CNBD1: variants seen among roughly 807,000 people sequenced by gnomAD.
CNBD1 encodes the protein cyclic nucleotide binding domain containing 1, also known as cyclic nucleotide-binding domain-containing protein 1.
CNBD1 carries 71 observed loss-of-function variants against 54.4 expected under a neutral mutation model. The observed-to-expected ratio is 1.30, with a 90% CI of 1.08 to 1.59. CNBD1 has a LOEUF of 1.59. Ranked by LOEUF, CNBD1 falls within the 40% of genes most tolerant of loss-of-function variation. The pLI, the probability that CNBD1 is intolerant of heterozygous loss-of-function variation, is 0.00. For synonymous variants in CNBD1, 182 were observed against 170.7 expected, an observed-to-expected ratio of 1.07 and a Z score of -0.51; for missense variants, 659 against 518.0, an observed-to-expected ratio of 1.27 and a Z score of -2.64.
intron 1 of CNBD1, among the ~76,000 whole-genome samples, chr8:86,876,780 G>A (rs1183262259): frequency 2.0e-5 from 3 of 151,482 alleles, no homozygotes; most frequent in South Asian, 4.2e-4. Context: ...ATCCTCTTTT[G>A]ATTTAAGAAT....
chr8:87,390,644 G>C lies in CNBD1; in HGVS notation c.213+36858G>C, dbSNP rs906560928. Among the ~76,000 whole-genome samples the C allele has an allele frequency of 4.5e-4, 69 of 152,134 alleles. 2 individuals are homozygous for C. Among genetic ancestry groups the C allele is most frequent in the Non-Finnish European group, 1.9e-4 (13 of 68,034 alleles). On this transcript the variant is annotated intron_variant, in intron 2 of 7. Coordinates refer to the CNBD1 transcript ENST00000521593. The stretch of plus-strand genomic sequence containing the variant: ...AGGAACACTTTTGCACTGTTGGTGG[G>C]ACTATAAACTAGTTCAACCATTGTG...
At chr8:87,210,195 C>G (rs1404146006) in intron 5 of CNBD1, among the ~76,000 whole-genome samples, 2 of 152,164 alleles carry the variant, frequency 1.3e-5, no homozygotes, top group East Asian at 1.9e-4. Context: ...CTGGCTATTT[C>G]TAACATCCTA....
intron 2 of CNBD1, among the ~76,000 whole-genome samples, chr8:87,424,116 G>A (rs1807996887): frequency 6.6e-6 from 1 of 152,028 alleles, no homozygotes; most frequent in Admixed American, 6.5e-5. Flanking sequence ...TGGGATTGGT[G>A]GTGATATCCC....
chr8:87,322,778 T>C (rs879383273), intron 8 of CNBD1, among the ~76,000 whole-genome samples: 1,202 of 90,498 alleles, frequency 0.013, 134 homozygotes, highest in Non-Finnish European at 0.02. Context: ...GATGGTAGTT[T>C]CTTTTGCTGT....
At chr8:87,147,236 C>A (rs2130744560) in intron 4 of CNBD1, among the ~76,000 whole-genome samples, 1 of 152,080 alleles carries the variant, frequency 6.6e-6, no homozygotes, top group East Asian at 1.9e-4. Context: ...TTATTTTTAT[C>A]TCTGTATATC....
intron 4 of CNBD1, among the ~76,000 whole-genome samples, chr8:86,972,093 A>G (rs1166585415): frequency 2.0e-5 from 3 of 151,970 alleles, no homozygotes; most frequent in Admixed American, 2.0e-4. Flanking sequence ...CTGGGATTAC[A>G]GGTGCCCGCC....
chr8:86,957,584 C>T (rs141091274), intron 4 of CNBD1, among the ~76,000 whole-genome samples: 26 of 152,234 alleles, frequency 1.7e-4, no homozygotes, highest in African/African-American at 5.3e-4. Context: ...AGAAATTTAT[C>T]CATTTCTTCT....
chr8:87,029,082 G>T (rs1235458831), intron 4 of CNBD1, among the ~76,000 whole-genome samples: 1 of 152,100 alleles, frequency 6.6e-6, no homozygotes, highest in Non-Finnish European at 1.5e-5. Flanking sequence ...TACTACATTA[G>T]CAAAACATTT....
At chr8:86,943,834 T>G (rs1807396560) in intron 4 of CNBD1, among the ~76,000 whole-genome samples, 1 of 152,046 alleles carries the variant, frequency 6.6e-6, no homozygotes. Context: ...GGGGGACAGA[T>G]GGAAGAATAT....
chr8:87,068,265 C>T (rs911751963), intron 4 of CNBD1, among the ~76,000 whole-genome samples: 8 of 152,018 alleles, frequency 5.3e-5, no homozygotes, highest in African/African-American at 1.9e-4. Flanking sequence ...CAGAGAGACA[C>T]TTAAAAATGT....
At chr8:87,045,807 C>T (rs1810173318) in intron 4 of CNBD1, among the ~76,000 whole-genome samples, 2 of 147,644 alleles carry the variant, frequency 1.4e-5, no homozygotes, top group Non-Finnish European at 3.0e-5. Context: ...TTTAGGAGTC[C>T]GACGTGGGCA....
intron 8 of CNBD1, among the ~76,000 whole-genome samples, chr8:87,308,965 C>T (rs1474327688): frequency 2.0e-5 from 3 of 152,098 alleles, no homozygotes; most frequent in Non-Finnish European, 1.5e-5. Flanking sequence ...TGTATGCATG[C>T]CACATTTTCT....
At chr8:87,347,351 C>T (rs1032239615) in intron 8 of CNBD1, among the ~76,000 whole-genome samples, 4 of 152,142 alleles carry the variant, frequency 2.6e-5, no homozygotes, top group African/African-American at 9.7e-5. Context: ...AATATGCATT[C>T]TTCCAACAAA....
chr8:87,044,067 T>C (rs1174441288), intron 4 of CNBD1, among the ~76,000 whole-genome samples: 1 of 152,242 alleles, frequency 6.6e-6, no homozygotes, highest in Non-Finnish European at 1.5e-5. Context: ...GCAAGATAGA[T>C]GGCTTTAGAA....
intron 4 of CNBD1, among the ~76,000 whole-genome samples, chr8:86,976,799 A>G (rs2130500787): frequency 6.6e-6 from 1 of 152,034 alleles, no homozygotes; most frequent in Non-Finnish European, 1.5e-5. Context: ...GCTTTTATAA[A>G]TGCTATTGCT....
chr8:87,313,256 G>T (rs1405759868), intron 8 of CNBD1, among the ~76,000 whole-genome samples: 2 of 152,030 alleles, frequency 1.3e-5, no homozygotes, highest in Non-Finnish European at 2.9e-5. Context: ...AGAAAGAATT[G>T]CAGGGACTTA....
chr8:87,361,706 A>G (rs1810527318), intron 10 of CNBD1, among the ~76,000 whole-genome samples: 2 of 150,644 alleles, frequency 1.3e-5, no homozygotes, highest in Admixed American at 1.3e-4. Flanking sequence ...ATATATATAT[A>G]TATTCTTGTT....
chr8:87,036,597 A>AG (rs1554548845), intron 4 of CNBD1, among the ~76,000 whole-genome samples: 1 of 147,944 alleles, frequency 6.8e-6, no homozygotes, highest in Non-Finnish European at 1.5e-5. Context: ...GCATCTCTAA[A>AG]AAAAAAAAAA....
At position 87,321,952 on chromosome 8, in the gene CNBD1, G is replaced by A. The variant is rs1362619119; in HGVS notation, c.1043-29733G>A. Among the ~76,000 whole-genome samples, 19 of 140,950 alleles carry A rather than the reference G, an allele frequency of 1.3e-4. 1 individual carries two copies. The highest frequency in any genetic ancestry group is 2.1e-4 in the African/African-American group (8 of 37,946). The allele number at this position is 140,950 out of a possible 152,430, so 92.5% of individuals were successfully genotyped here. On this transcript the variant is annotated intron_variant, in intron 8 of 10. Transcript: ENST00000518476. ...ATATCTCCCAATGCTATGCCTCCCC[G>A]CTCCCCCCACCCCACCACAGTCCCC...
Sources: allele counts gnomAD v4.1 joint callset (sites outside exome capture counted in the v4.1 genomes callset), GRCh38; gene constraint gnomAD v4.1.1; transcripts MANE v1.5; gene names NCBI Gene and HGNC (gene_info 2026-07-23, HGNC 2026-07-21).